The following PLXDC2 variants were observed in gnomAD, a reference collection of about 807,000 sequenced individuals.
The protein encoded by PLXDC2 is plexin domain containing 2.
In PLXDC2, 40 loss-of-function variants were observed where a neutral mutation model predicts 68.9. The observed-to-expected ratio is 0.58, with a 90% confidence interval of 0.45 to 0.76. The LOEUF (loss-of-function observed/expected upper bound fraction) is 0.76. Among genes scored for constraint, PLXDC2 ranks in the 30% least tolerant of loss-of-function variants. PLXDC2 has a pLI of 0.00. For synonymous variants in PLXDC2, 243 were observed against 234.2 expected, an observed-to-expected ratio of 1.04 and a Z score of -0.34; for missense variants, 644 against 661.9, an observed-to-expected ratio of 0.97 and a Z score of 0.30.
chr10:20,166,034 C>T (rs1026334382), intron 7 of PLXDC2, among the ~76,000 whole-genome samples: 3 of 151,988 alleles, frequency 2.0e-5, no homozygotes, highest in Non-Finnish European at 2.9e-5. Context: ...CATTTTTTCT[C>T]TTTTGTTCAA....
intron 12 of PLXDC2, among the ~76,000 whole-genome samples, chr10:20,223,572 C>G (rs971382730): frequency 2.6e-4 from 40 of 152,204 alleles, no homozygotes; most frequent in African/African-American, 9.1e-4. Flanking sequence ...CTTGGCCTCC[C>G]AAAGTGCTGG....
Position 20,139,267 on chromosome 10 carries a change from C to T in PLXDC2, c.542-4028C>T, listed in dbSNP as rs189735430. On this transcript the variant is annotated intron_variant, in intron 4 of 13. Coordinates refer to ENST00000377252, the MANE Select transcript of PLXDC2 (RefSeq NM_032812.9). The stretch of plus-strand genomic sequence containing the variant: ...AGTTGTTAAGGCAAAATGGAGTGGC[C>T]GTGTATTCGCTATTATTTGAGATTC... 3.7e-3 allele frequency among the ~76,000 whole-genome samples: 557 copies of T among 152,276 alleles called. 3 individuals are homozygous for T. Among genetic ancestry groups the T allele is most frequent in the Non-Finnish European group, 6.4e-3 (438 of 68,014 alleles).
intron 1 of PLXDC2, among the ~76,000 whole-genome samples, chr10:19,961,128 G>A (rs758656596): frequency 5.3e-5 from 8 of 152,190 alleles, no homozygotes; most frequent in Non-Finnish European, 1.2e-4. Flanking sequence ...CAGTACTTCT[G>A]TGATTTCTTA....
At chr10:20,088,763 T>C (rs1490374576) in intron 4 of PLXDC2, among the ~76,000 whole-genome samples, 1 of 152,194 alleles carries the variant, frequency 6.6e-6, no homozygotes, top group Non-Finnish European at 1.5e-5. Flanking sequence ...CACACCTATC[T>C]TAAAAAATAT....
chr10:20,114,223 A>G (rs917487789), intron 4 of PLXDC2, among the ~76,000 whole-genome samples: 3 of 152,080 alleles, frequency 2.0e-5, no homozygotes, highest in Admixed American at 2.0e-4. Context: ...AACATCCCCA[A>G]ACTTTTGCTG....
intron 1 of PLXDC2, among the ~76,000 whole-genome samples, chr10:19,887,026 T>C (rs1018430904): frequency 6.6e-6 from 1 of 152,214 alleles, no homozygotes; most frequent in Non-Finnish European, 1.5e-5. Flanking sequence ...AGTTTTTGAC[T>C]TCATAGCTCC....
chr10:20,238,555 G>A (rs1460186178), intron 12 of PLXDC2, among the ~76,000 whole-genome samples: 2 of 150,174 alleles, frequency 1.3e-5, no homozygotes, highest in Non-Finnish European at 3.0e-5. Context: ...GCTGAGGCAG[G>A]AGAATTACCT....
chr10:20,000,140 G>T (rs1286144253), intron 1 of PLXDC2, among the ~76,000 whole-genome samples: 2 of 152,132 alleles, frequency 1.3e-5, no homozygotes, highest in Non-Finnish European at 2.9e-5. Flanking sequence ...ATGGCCAGTA[G>T]GGACAACAGT....
chr10:19,848,374 C>A (rs1387959490), intron 1 of PLXDC2, among the ~76,000 whole-genome samples: 1 of 152,096 alleles, frequency 6.6e-6, no homozygotes, highest in East Asian at 1.9e-4. Context: ...ACCTCTACTC[C>A]CTGCAGATGC....
chr10:20,153,281 T>C (rs761542617), intron 6 of PLXDC2, among the ~76,000 whole-genome samples: 7 of 152,198 alleles, frequency 4.6e-5, no homozygotes, highest in Non-Finnish European at 8.8e-5. Flanking sequence ...CAGTCATGTA[T>C]TGAAAAGAAA....
At chr10:20,069,995 G>A (rs994683254) in intron 4 of PLXDC2, among the ~76,000 whole-genome samples, 4 of 152,120 alleles carry the variant, frequency 2.6e-5, no homozygotes, top group African/African-American at 7.2e-5. Context: ...GAATTTCTAC[G>A]GTTGTGTAGA....
intron 2 of PLXDC2, among the ~76,000 whole-genome samples, chr10:20,003,409 T>G: frequency 6.6e-6 from 1 of 151,810 alleles, no homozygotes; most frequent in East Asian, 1.9e-4. Context: ...AACCTGGAGG[T>G]AGGCTAATTA....
intron 10 of PLXDC2, among the ~76,000 whole-genome samples, chr10:20,216,614 C>A (rs1488652941): frequency 1.3e-5 from 2 of 151,992 alleles, no homozygotes; most frequent in African/African-American, 4.8e-5. Context: ...GGATGAGAAC[C>A]ACTCATGTCC....
At chr10:20,150,900 G>A (rs955952398) in intron 6 of PLXDC2, among the ~76,000 whole-genome samples, 2 of 151,984 alleles carry the variant, frequency 1.3e-5, no homozygotes, top group Non-Finnish European at 2.9e-5. Flanking sequence ...TTCCACTATG[G>A]TTTTCCTGTT....
intron 4 of PLXDC2, among the ~76,000 whole-genome samples, chr10:20,088,194 A>G (rs1833226550): frequency 6.6e-6 from 1 of 152,180 alleles, no homozygotes. Flanking sequence ...GTGGTCCCTA[A>G]TGTGTAGAGT....
intron 1 of PLXDC2, among the ~76,000 whole-genome samples, chr10:19,943,182 A>G (rs1244107430): frequency 1.3e-5 from 2 of 152,088 alleles, no homozygotes; most frequent in Non-Finnish European, 2.9e-5. Context: ...TATGGAGTTA[A>G]CCCACGATTA....
chr10:20,071,564 A>G (rs1836315989), intron 4 of PLXDC2, among the ~76,000 whole-genome samples: 2 of 152,136 alleles, frequency 1.3e-5, no homozygotes, highest in African/African-American at 2.4e-5. Flanking sequence ...ACCATGTAAG[A>G]CATGCCTTTA....
At chr10:19,961,013 G>A (rs998641611) in intron 1 of PLXDC2, among the ~76,000 whole-genome samples, 1 of 152,312 alleles carries the variant, frequency 6.6e-6, no homozygotes, top group Middle Eastern at 3.4e-3. Context: ...AGTTCTGAAA[G>A]CTACTAGTTA....
At chr10:19,927,922 T>C (rs75968048) in intron 1 of PLXDC2, among the ~76,000 whole-genome samples, 138 of 152,010 alleles carry the variant, frequency 9.1e-4, no homozygotes, top group African/African-American at 3.0e-3. Flanking sequence ...TTGTACCCAA[T>C]AGGTAGTTTT....
Sources: gnomAD v4.1 joint callset for allele counts (sites outside exome capture counted in the v4.1 genomes callset) on GRCh38, gnomAD v4.1.1 for gene constraint, MANE v1.5 for transcripts, NCBI Gene and HGNC (gene_info 2026-07-23, HGNC 2026-07-21) for gene names.